TMEM217: variants seen among roughly 807,000 people sequenced by gnomAD.
The protein encoded by TMEM217 is chromosome 6 open reading frame 128.
For missense variants in TMEM217, 204 were observed against 248.8 expected (o/e 0.82, Z 1.21); for synonymous variants, 76 against 88.3 (o/e 0.86, Z 0.78).
intron 1 of TMEM217, among the ~76,000 whole-genome samples, chr6:37,229,005 A>AT (rs1764017658): frequency 6.6e-6 from 1 of 152,070 alleles, no homozygotes; most frequent in African/African-American, 2.4e-5. Context: ...TCAAAAAAAA[A>AT]ACAAAAAACA....
At chr6:37,214,354 A>G (rs1326054338), downstream of TMEM217, among the ~76,000 whole-genome samples, 1 of 151,980 alleles carries the variant, frequency 6.6e-6, no homozygotes, top group African/African-American at 2.4e-5. Context: ...CAGCCTCCCA[A>G]GTAGCTGGGA....
downstream of TMEM217, among the ~76,000 whole-genome samples, chr6:37,214,896 C>T (rs756178141): frequency 4.3e-4 from 66 of 152,310 alleles, no homozygotes; most frequent in Middle Eastern, 3.4e-3. Context: ...TCTGCACCAA[C>T]GAAACCTCAC....
chr6:37,226,310 T>C (rs1315472685), intron 1 of TMEM217, among the ~76,000 whole-genome samples: 1 of 121,454 alleles, frequency 8.2e-6, no homozygotes, highest in African/African-American at 3.4e-5. Context: ...TTTTTTTTTT[T>C]GAGACAGAGT....
chr6:37,249,975 T>A (rs1371404466), intron 1 of TMEM217, among the ~76,000 whole-genome samples: 1 of 152,178 alleles, frequency 6.6e-6, no homozygotes, highest in Non-Finnish European at 1.5e-5. Flanking sequence ...AGCAGCAGAG[T>A]TCATAGTGGC....
chr6:37,254,206 G>A (rs553693765), intron 1 of TMEM217, among the ~76,000 whole-genome samples: 1 of 152,266 alleles, frequency 6.6e-6, no homozygotes, highest in South Asian at 2.1e-4. Flanking sequence ...TCAGAATCTA[G>A]GTTTTTAATA....
downstream of TMEM217, among the ~76,000 whole-genome samples, chr6:37,213,873 C>T (rs1150791): frequency 0.041 from 6,184 of 152,288 alleles, 158 homozygotes; most frequent in Non-Finnish European, 0.062. Context: ...ACTACACTGG[C>T]GAGCTACCTC....
chr6:37,212,613 A>T (rs1184998667), exon 4 of TMEM217: 2 of 497,006 alleles, frequency 4.0e-6, no homozygotes, highest in African/African-American at 3.9e-5. Flanking sequence ...AGTGCAAATA[A>T]CTCAGCGTCT....
exon 1 of TMEM217, chr6:37,257,790 C>A: frequency 2.9e-6 from 3 of 1,025,700 alleles, no homozygotes; most frequent in Non-Finnish European, 2.9e-6. Context: ...GATGGCGTCC[C>A]CAGGAGCTGG....
At chr6:37,247,253 A>G (rs1384990123) in intron 1 of TMEM217, among the ~76,000 whole-genome samples, 2 of 152,158 alleles carry the variant, frequency 1.3e-5, no homozygotes, top group Non-Finnish European at 2.9e-5. Flanking sequence ...TTTAGTTTGG[A>G]TTCTCCAAGA....
chr6:37,255,918 AT>A (rs1765696118), intron 1 of TMEM217, among the ~76,000 whole-genome samples: 2 of 152,246 alleles, frequency 1.3e-5, no homozygotes, highest in African/African-American at 4.8e-5. Context: ...GGGGAAACTG[AT>A]ATAGAAAACA....
At chr6:37,230,162 T>C (rs1764118939) in intron 1 of TMEM217, among the ~76,000 whole-genome samples, 1 of 152,226 alleles carries the variant, frequency 6.6e-6, no homozygotes, top group Non-Finnish European at 1.5e-5. Flanking sequence ...CGCTTGGAAT[T>C]TCTCTGACTT....
chr6:37,252,634 TA>T (rs1765495062), intron 1 of TMEM217, among the ~76,000 whole-genome samples: 2 of 44,540 alleles, frequency 4.5e-5, no homozygotes, highest in African/African-American at 2.0e-4. Flanking sequence ...TATATATATA[TA>T]TATTTTTTTT....
At chr6:37,248,403 A>G (rs1440640744) in intron 1 of TMEM217, among the ~76,000 whole-genome samples, 1 of 152,136 alleles carries the variant, frequency 6.6e-6, no homozygotes, top group Non-Finnish European at 1.5e-5. Context: ...ACCTGAGGCA[A>G]AATCATATGT....
At chr6:37,235,644 G>A (rs1310856271) in intron 1 of TMEM217, among the ~76,000 whole-genome samples, 1 of 152,182 alleles carries the variant, frequency 6.6e-6, no homozygotes, top group African/African-American at 2.4e-5. Flanking sequence ...GGGATTACAG[G>A]CGTGAGCCAC....
intron 1 of TMEM217, among the ~76,000 whole-genome samples, chr6:37,220,586 A>AT (rs1265250216): frequency 1.3e-5 from 2 of 151,282 alleles, no homozygotes; most frequent in Admixed American, 6.6e-5. Flanking sequence ...TACATGAAGT[A>AT]TTTTTTTTAA....
chr6:37,215,570 C>CGAAAAA (rs1763146807), downstream of TMEM217, among the ~76,000 whole-genome samples: 2 of 72,376 alleles, frequency 2.8e-5, no homozygotes, highest in Non-Finnish European at 2.4e-5. Flanking sequence ...GACTCTGTCT[C>CGAAAAA]AAAAAAAAAA....
At chr6:37,244,878 C>A (rs535520574) in intron 1 of TMEM217, among the ~76,000 whole-genome samples, 2 of 152,178 alleles carry the variant, frequency 1.3e-5, no homozygotes, top group Non-Finnish European at 2.9e-5. Flanking sequence ...CTAATTCATA[C>A]GTCAAAGGCT....
rs1022096242 is a variant in TMEM217, at chr6:37,224,234, C to G, written c.-11-5193G>C. ...GATTACAGGCGTGAGCCACCGCGCC[C>G]GGCCTCTGCCTCAGCCTTTTAACTA... On this transcript the variant is annotated intron_variant, in intron 1 of 1. Coordinates refer to ENST00000357219, the Ensembl canonical transcript of TMEM217. 2.0e-5 allele frequency among the ~76,000 whole-genome samples: 3 copies of G among 150,906 alleles called. No individual in the cohort carries two copies. The East Asian group carries it at 6.0e-4, about 30-fold the overall frequency.
chr6:37,224,653 G>A (rs918840366), intron 1 of TMEM217, among the ~76,000 whole-genome samples: 3 of 151,254 alleles, frequency 2.0e-5, no homozygotes, highest in Non-Finnish European at 2.9e-5. Context: ...ACAGCATCTC[G>A]CCATGTTACC....
Sources: gnomAD v4.1 joint callset for allele counts (sites outside exome capture counted in the v4.1 genomes callset) on GRCh38, gnomAD v4.1.1 for gene constraint, MANE v1.5 for transcripts, NCBI Gene and HGNC (gene_info 2026-07-23, HGNC 2026-07-21) for gene names.